Variants in MTHFS observed in about 807,000 individuals in gnomAD.
MTHFS encodes the protein 5-formyltetrahydrofolate cyclo-ligase.
A neutral mutation model predicts 12.7 loss-of-function variants in MTHFS; 7 were observed. The ratio of observed to expected loss-of-function variants is 0.55; its 90% CI spans 0.31 to 1.03. MTHFS has a LOEUF of 1.03. Among genes scored for constraint, MTHFS ranks in the 50% least tolerant of loss-of-function variants. The pLI is 0.05. For synonymous variants in MTHFS, 100 were observed against 97.1 expected (o/e 1.03, Z -0.18); for missense variants, 252 against 258.1 (o/e 0.98, Z 0.16).
intron 2 of MTHFS, among the ~76,000 whole-genome samples, chr15:79,845,705 C>G (rs2033601753): frequency 6.6e-6 from 1 of 152,182 alleles, no homozygotes; most frequent in African/African-American, 2.4e-5. Context: ...TCATTCATAA[C>G]TAGTTAAATA....
intron 1 of MTHFS, among the ~76,000 whole-genome samples, chr15:79,890,948 G>C (rs1050996271): frequency 6.6e-6 from 1 of 152,216 alleles, no homozygotes; most frequent in African/African-American, 2.4e-5. Flanking sequence ...ATAGAAGATC[G>C]AGAGTTGAAT....
At chr15:79,878,112 G>C (rs958862169) in intron 2 of MTHFS, 1 of 151,966 alleles carries the variant, frequency 6.6e-6, no homozygotes, top group Non-Finnish European at 1.5e-5. Flanking sequence ...ACAAAAGACT[G>C]GTTTTTTCTC....
rs1307368153 is a variant in MTHFS at position 79,867,443 on chromosome 15, T to C, written c.379+21650A>G. On this transcript the variant is annotated intron_variant, in intron 2 of 2. Transcript: ENST00000258874. ...TGTATGTATATTACCATATGTCACA[T>C]ATGACAAATTTATCTCATTTTCACT... Among the ~76,000 whole-genome samples the C allele has an allele frequency of 2.6e-5, 4 of 151,308 alleles. No individual in the cohort carries two copies. The East Asian group carries it at 7.8e-4, about 29-fold the overall frequency.
At chr15:79,868,016 C>T (rs1026086621) in intron 2 of MTHFS, among the ~76,000 whole-genome samples, 4 of 152,136 alleles carry the variant, frequency 2.6e-5, no homozygotes, top group African/African-American at 9.7e-5. Flanking sequence ...ACCATGCTAG[C>T]ATTTTTTATT....
intron 1 of MTHFS, among the ~76,000 whole-genome samples, chr15:79,889,622 TGTG>T (rs1201331933): frequency 2.0e-5 from 3 of 152,178 alleles, no homozygotes; most frequent in Non-Finnish European, 4.4e-5. Context: ...AAAAGGTCAC[TGTG>T]GAGACAAGCT....
intron 2 of MTHFS, 121 bp from the exon 3 acceptor site, chr15:79,845,563 C>A: frequency 7.6e-6 from 10 of 1,320,690 alleles, no homozygotes; most frequent in Non-Finnish European, 1.0e-5. Flanking sequence ...AATGTGTGAC[C>A]ATTAATATCC....
At chr15:79,847,295 C>T (rs569672832) in intron 2 of MTHFS, among the ~76,000 whole-genome samples, 3 of 152,188 alleles carry the variant, frequency 2.0e-5, no homozygotes, top group African/African-American at 7.2e-5. Flanking sequence ...GTGTAGAGTT[C>T]ACCAGGTACA....
At chr15:79,859,221 T>C (rs2033865862) in intron 2 of MTHFS, among the ~76,000 whole-genome samples, 1 of 152,216 alleles carries the variant, frequency 6.6e-6, no homozygotes, top group South Asian at 2.1e-4. Context: ...CTAACAAAAT[T>C]CTTTTACAGT....
At chr15:79,896,756 G>T in intron 1 of MTHFS, 116 bp downstream of exon 1, 1 of 1,447,056 alleles carries the variant, frequency 6.9e-7, no homozygotes, top group Non-Finnish European at 9.1e-7. Context: ...CGCGCCGGGG[G>T]GTGGGGGGGC....
At chr15:79,850,966 A>G (rs1427801190) in intron 2 of MTHFS, among the ~76,000 whole-genome samples, 1 of 152,142 alleles carries the variant, frequency 6.6e-6, no homozygotes, top group East Asian at 1.9e-4. Flanking sequence ...TCCTGAACTC[A>G]GACTCCCTGT....
intron 2 of MTHFS, among the ~76,000 whole-genome samples, chr15:79,861,018 G>A (rs2033903767): frequency 6.6e-6 from 1 of 152,162 alleles, no homozygotes; most frequent in South Asian, 2.1e-4. Context: ...GGGATCCTTA[G>A]CACCAGGACT....
At chr15:79,887,660 T>C (rs2034404558) in intron 2 of MTHFS, among the ~76,000 whole-genome samples, 1 of 152,228 alleles carries the variant, frequency 6.6e-6, no homozygotes, top group Admixed American at 6.5e-5. Context: ...TATAATTTCC[T>C]GTCTTTTCTT....
At chr15:79,887,200 G>A (rs935914816) in intron 2 of MTHFS, among the ~76,000 whole-genome samples, 4 of 152,194 alleles carry the variant, frequency 2.6e-5, no homozygotes, top group South Asian at 2.1e-4. Flanking sequence ...ACTCCAGCCC[G>A]GGTGACAGAG....
chr15:79,848,279 GTGGTATC>G (rs747418717), intron 2 of MTHFS, among the ~76,000 whole-genome samples: 70 of 152,210 alleles, frequency 4.6e-4, no homozygotes, highest in Non-Finnish European at 8.7e-4. Context: ...CCACTTACAT[GTGGTATC>G]TAGAGTAGTC....
intron 2 of MTHFS, among the ~76,000 whole-genome samples, chr15:79,860,321 A>G (rs2033889973): frequency 6.6e-6 from 1 of 151,976 alleles, no homozygotes; most frequent in African/African-American, 2.4e-5. Flanking sequence ...CCCAGGAGGC[A>G]GAGCTTGCAG....
At position 79,889,256 on chromosome 15, in the gene MTHFS, GA is replaced by G; in HGVS notation, c.215del (p.Phe72SerfsTer22). 2 of 1,614,194 alleles carry G rather than the reference GA, an allele frequency of 1.2e-6. No homozygotes were observed. Among genetic ancestry groups the G allele is most frequent in the Non-Finnish European group, 1.7e-6 (2 of 1,180,036 alleles). The stretch of plus-strand genomic sequence containing the variant: ...GGATGAAGCAGATTTTGCCTCGTTG[GA>G]AAATGTCCTTGATGATCTCTTCTGT... ...IETEEIIKDI[F>X]QRGKICFIPR... On this transcript the variant is annotated frameshift_variant, in exon 2 of 3. Transcript: ENST00000258874. LOFTEE classifies it high-confidence loss of function.
intron 2 of MTHFS, among the ~76,000 whole-genome samples, chr15:79,866,310 T>A (rs186319428): frequency 1.3e-5 from 2 of 152,326 alleles, no homozygotes; most frequent in African/African-American, 4.8e-5. Flanking sequence ...TCCAAATATT[T>A]ACCTGTACAT....
At chr15:79,875,070 T>A (rs112207647) in intron 2 of MTHFS, among the ~76,000 whole-genome samples, 3 of 152,048 alleles carry the variant, frequency 2.0e-5, no homozygotes, top group African/African-American at 7.2e-5. Context: ...ATCACAAGAG[T>A]ATTGATTGGG....
intron 2 of MTHFS, among the ~76,000 whole-genome samples, chr15:79,883,691 T>G (rs1031449785): frequency 1.6e-5 from 2 of 122,740 alleles, no homozygotes; most frequent in Non-Finnish European, 3.4e-5. Context: ...TTTACATATA[T>G]CACCTTACTA....
Sources: allele counts gnomAD v4.1 joint callset (sites outside exome capture counted in the v4.1 genomes callset), GRCh38; gene constraint gnomAD v4.1.1; transcripts MANE v1.5; gene names NCBI Gene and HGNC (gene_info 2026-07-23, HGNC 2026-07-21).